CFAP221: variants seen among roughly 807,000 people sequenced by gnomAD.
CFAP221 encodes the protein cilia- and flagella-associated protein 221.
A neutral mutation model predicts 113.1 loss-of-function variants in CFAP221; 97 were observed. The observed-to-expected ratio is 0.86, with a 90% CI of 0.73 to 1.02. The LOEUF (loss-of-function observed/expected upper bound fraction) is 1.02. Ranked by LOEUF, CFAP221 falls within the 50% of genes least tolerant of loss-of-function variation. The pLI is 0.00. For missense variants in CFAP221, 1,025 were observed against 1,013.4 expected, an observed-to-expected ratio of 1.01 and a Z score of -0.16; for synonymous variants, 331 against 354.4, an observed-to-expected ratio of 0.93 and a Z score of 0.74.
In CFAP221 at chr2:119,639,769, C is replaced by T; in HGVS notation, c.2134-12C>T. On this transcript the variant is annotated splice_polypyrimidine_tract_variant and intron_variant, in intron 20 of 23. Coordinates refer to ENST00000413369, the MANE Select transcript of CFAP221 (RefSeq NM_001271049.2). ...CAAACAGTTGCTTCCCATGTGCTGA[C>T]TTTCCTTACAGGACATTATTCCCGG... 2 of 1,610,474 alleles carry T rather than the reference C, an allele frequency of 1.2e-6. No homozygotes were observed. Among genetic ancestry groups the T allele is most frequent in the Non-Finnish European group, 1.7e-6 (2 of 1,176,732 alleles).
Position 119,630,075 on chromosome 2 carries a change from C to A in CFAP221, c.1731+120C>A, listed in dbSNP as rs150694791. 2.7e-4 allele frequency: 223 copies of A among 834,854 alleles called. 1 individual carries two copies. The African/African-American group carries it at 3.5e-3, about 13-fold the overall frequency. The allele number at this position is 834,854 out of a possible 1,614,324, so 51.7% of individuals were successfully genotyped here. On this transcript the variant is annotated intron_variant, in intron 17 of 23. Coordinates refer to ENST00000413369, the MANE Select transcript of CFAP221 (RefSeq NM_001271049.2). ...ATGGTAGATTAGACTGTGTGGCACA[C>A]TCTACTGTTTTTGGATGGCATATGG...
chr2:119,650,439 G>A (rs1688057165), intron 22 of CFAP221, among the ~76,000 whole-genome samples: 1 of 152,238 alleles, frequency 6.6e-6, no homozygotes, highest in African/African-American at 2.4e-5. Context: ...GCCCACTGGG[G>A]AGATGTTCAG....
intron 14 of CFAP221, among the ~76,000 whole-genome samples, chr2:119,616,565 CGAA>C (rs1351147758): frequency 2.0e-5 from 3 of 152,160 alleles, no homozygotes; most frequent in African/African-American, 7.2e-5. Context: ...CAGGATAAAA[CGAA>C]GACTTCTGAG....
At position 119,601,204 on chromosome 2, in the gene CFAP221, T is replaced by G; in HGVS notation, c.632-14T>G. On this transcript the variant is annotated splice_polypyrimidine_tract_variant and intron_variant, in intron 7 of 23. Transcript: ENST00000413369. ...AAGAGAGGGTATCACATTTTCTCAT[T>G]TCTTTCCTCTCAGGAATAATTCCGG... 1 of 1,509,992 alleles carries G rather than the reference T, an allele frequency of 6.6e-7. No individual in the cohort carries two copies. Among genetic ancestry groups the G allele is most frequent in the Non-Finnish European group, 8.9e-7 (1 of 1,128,324 alleles). 93.5% of individuals were successfully genotyped at this position (1,509,992 alleles called of 1,614,324 possible). A position where few individuals can be genotyped will look rare whatever the true frequency, so the allele number is the denominator to read the frequency against.
At chr2:119,572,625 C>A (rs1257797819) in intron 6 of CFAP221, 2 of 692,628 alleles carry the variant, frequency 2.9e-6, no homozygotes, top group Non-Finnish European at 5.3e-6. Context: ...CTCCCATCAA[C>A]TCATTTTCCT....
intron 6 of CFAP221, among the ~76,000 whole-genome samples, chr2:119,573,980 G>A (rs1318746220): frequency 6.6e-6 from 1 of 152,178 alleles, no homozygotes; most frequent in Non-Finnish European, 1.5e-5. Context: ...GGAACTTTCA[G>A]TGGAAGACTT....
intron 3 of CFAP221, among the ~76,000 whole-genome samples, chr2:119,552,158 CTTT>C (rs772767971): frequency 3.1e-5 from 3 of 96,556 alleles, no homozygotes; most frequent in Non-Finnish European, 4.4e-5. Flanking sequence ...TAAAACTGGC[CTTT>C]TTTTTTTTTT....
intron 3 of CFAP221, among the ~76,000 whole-genome samples, chr2:119,558,006 C>T (rs978196481): frequency 6.6e-6 from 1 of 151,182 alleles, no homozygotes; most frequent in Non-Finnish European, 1.5e-5. Flanking sequence ...TTGCTGATTT[C>T]CTCTAAGCTT....
At chr2:119,631,239 T>C (rs1301814350) in intron 19 of CFAP221, among the ~76,000 whole-genome samples, 1 of 152,142 alleles carries the variant, frequency 6.6e-6, no homozygotes, top group East Asian at 1.9e-4. Context: ...TGTGGGAAAT[T>C]AACAGCACTA....
At chr2:119,617,393 TAAG>T (rs1413124642) in intron 14 of CFAP221, among the ~76,000 whole-genome samples, 1 of 152,136 alleles carries the variant, frequency 6.6e-6, no homozygotes, top group Non-Finnish European at 1.5e-5. Flanking sequence ...AGCACAGTGG[TAAG>T]AAGAGGCAGC....
chr2:119,583,695 TTAAATC>T (rs977054963), intron 6 of CFAP221, among the ~76,000 whole-genome samples: 2 of 152,214 alleles, frequency 1.3e-5, no homozygotes, highest in Admixed American at 6.5e-5. Flanking sequence ...ATGTATGTGT[TTAAATC>T]TAACCCCCAA....
chr2:119,603,777 A>G (rs1029291971), intron 8 of CFAP221, among the ~76,000 whole-genome samples: 2 of 152,314 alleles, frequency 1.3e-5, no homozygotes, highest in African/African-American at 4.8e-5. Flanking sequence ...GAAAAATATA[A>G]CTATTTAGAT....
At chr2:119,598,377 A>G (rs911403547) in intron 7 of CFAP221, among the ~76,000 whole-genome samples, 7 of 152,176 alleles carry the variant, frequency 4.6e-5, no homozygotes, top group African/African-American at 1.7e-4. Context: ...ATTTCACTAT[A>G]TTATTTTTCA....
intron 19 of CFAP221, among the ~76,000 whole-genome samples, chr2:119,634,427 A>G (rs1477507086): frequency 6.6e-6 from 1 of 152,198 alleles, no homozygotes; most frequent in African/African-American, 2.4e-5. Flanking sequence ...TGATGGCACC[A>G]CTGCACTCCG....
chr2:119,601,578 G>C lies in CFAP221; in HGVS notation c.791+201G>C, dbSNP rs1363072755. 3 of 484,942 alleles carry C rather than the reference G, an allele frequency of 6.2e-6. No individual in the cohort carries two copies. In the Admixed American group the frequency reaches 1.2e-4, roughly 20 times the overall value. The allele number at this position is 484,942 out of a possible 1,614,324, so 30.0% of individuals were successfully genotyped here. ...TAGTAGCAAGAGTTGCTTCTGACAA[G>C]AAGGGAAGAAACAAGAAAAAGGGAT... On this transcript the variant is annotated intron_variant, in intron 8 of 23. Transcript: ENST00000413369.
At chr2:119,567,671 T>C (rs562105097) in intron 6 of CFAP221, among the ~76,000 whole-genome samples, 2 of 152,350 alleles carry the variant, frequency 1.3e-5, no homozygotes, top group South Asian at 2.1e-4. Flanking sequence ...GGTAAGAGTA[T>C]GTTTAGTTTT....
intron 6 of CFAP221, among the ~76,000 whole-genome samples, chr2:119,578,119 C>T (rs1682583477): frequency 6.6e-6 from 1 of 152,226 alleles, no homozygotes; most frequent in Non-Finnish European, 1.5e-5. Flanking sequence ...CCACAGGCTA[C>T]TTGGGCTTCC....
At position 119,638,361 on chromosome 2, in the gene CFAP221, G is replaced by A; in HGVS notation, c.2077G>A (p.Glu693Lys). The A allele has an allele frequency of 1.2e-6, 2 of 1,614,140 alleles. No homozygotes were observed. Among genetic ancestry groups the A allele is most frequent in the Non-Finnish European group, 1.7e-6 (2 of 1,180,016 alleles). The change falls in exon 20 of 24, where the codon GAG becomes AAG. Residue 693 changes from glutamate (E) to lysine (K), a missense_variant. Coordinates refer to ENST00000413369, the MANE Select transcript of CFAP221 (RefSeq NM_001271049.2). ...CSHPKYKFTK[E>K]SRHGSSIPVT... ...TCACCCCAAGTACAAATTCACCAAA[G>A]AGTCCCGCCACGGGTCCAGCATTCC...
At chr2:119,627,627 A>T in intron 15 of CFAP221, 26 bp from the exon 16 acceptor site, 1 of 1,610,380 alleles carries the variant, frequency 6.2e-7, no homozygotes, top group Non-Finnish European at 8.5e-7. Context: ...AGTACCCCCT[A>T]AAAGTGCCCT....
Sources: allele counts gnomAD v4.1 joint callset (sites outside exome capture counted in the v4.1 genomes callset), GRCh38; gene constraint gnomAD v4.1.1; transcripts MANE v1.5; gene names NCBI Gene and HGNC (gene_info 2026-07-23, HGNC 2026-07-21).